NELL2: variants seen among roughly 807,000 people sequenced by gnomAD.
The protein encoded by NELL2 is neural EGFL like 2, also known as protein kinase C-binding protein NELL2.
NELL2 carries 41 observed loss-of-function variants against 109.6 expected under a neutral mutation model. The observed-to-expected ratio is 0.37, with a 90% CI of 0.29 to 0.49. The LOEUF (loss-of-function observed/expected upper bound fraction) is 0.49, where lower values mean the gene tolerates loss of function less well. NELL2 is among the 20% of genes least tolerant of loss of function. NELL2 has a pLI of 0.98. For missense variants in NELL2, 900 were observed against 1,008.3 expected, an observed-to-expected ratio of 0.89 and a Z score of 1.45; for synonymous variants, 355 against 344.7, an observed-to-expected ratio of 1.03 and a Z score of -0.33.
At chr12:44,718,947 T>C (rs1276921670) in intron 9 of NELL2, among the ~76,000 whole-genome samples, 2 of 152,152 alleles carry the variant, frequency 1.3e-5, no homozygotes, top group African/African-American at 2.4e-5. Context: ...TCTATTCAGT[T>C]ATAAGTGGAG....
chr12:44,552,777 A>G (rs1241162864), intron 15 of NELL2, among the ~76,000 whole-genome samples: 1 of 151,732 alleles, frequency 6.6e-6, no homozygotes, highest in Non-Finnish European at 1.5e-5. Flanking sequence ...TAATAATAGC[A>G]CTCTCTCTTT....
In NELL2 at chr12:44,644,604, G is replaced by GTGTATATA. The variant is rs1241074750; in HGVS notation, c.1444+20879_1444+20880insTATATACA. Among the ~76,000 whole-genome samples, 595 of 81,196 alleles carry GTGTATATA rather than the reference G, an allele frequency of 7.3e-3. 6 individuals carry two copies. The highest frequency in any genetic ancestry group is 0.028 in the East Asian group (63 of 2,250). The allele number at this position is 81,196 out of a possible 152,430, so 53.3% of individuals were successfully genotyped here. On this transcript the variant is annotated intron_variant, in intron 13 of 19. Coordinates refer to ENST00000429094, the MANE Select transcript of NELL2 (RefSeq NM_001145108.2). ...AGTATATATATATATATATATATAT[G>GTGTATATA]TATGTATATATATATATATATACAT...
chr12:44,711,470 G>C, intron 10 of NELL2, 76 bp from the exon 11 acceptor site: 1 of 1,260,752 alleles, frequency 7.9e-7, no homozygotes, highest in East Asian at 2.4e-5. Flanking sequence ...TCCAGCATCT[G>C]AGAAGACTCT....
chr12:44,603,743 C>T (rs757594438), intron 15 of NELL2, among the ~76,000 whole-genome samples: 2 of 152,098 alleles, frequency 1.3e-5, no homozygotes, highest in Admixed American at 6.6e-5. Flanking sequence ...TAAATGAATG[C>T]AACCATTCCT....
intron 19 of NELL2, among the ~76,000 whole-genome samples, chr12:44,511,655 G>C (rs973846613): frequency 3.9e-5 from 6 of 152,154 alleles, no homozygotes; most frequent in African/African-American, 1.4e-4. Context: ...AGATTCTAAA[G>C]AGCAAATCAA....
chr12:44,688,350 C>T (rs2136389941), intron 12 of NELL2, among the ~76,000 whole-genome samples: 1 of 152,010 alleles, frequency 6.6e-6, no homozygotes, highest in African/African-American at 2.4e-5. Context: ...ATTTTAGTTC[C>T]AAAAATAAAA....
intron 15 of NELL2, among the ~76,000 whole-genome samples, chr12:44,595,177 T>C (rs2136230575): frequency 6.6e-6 from 1 of 152,320 alleles, no homozygotes; most frequent in South Asian, 2.1e-4. Flanking sequence ...TTTCCTCGAA[T>C]TAAACATTTT....
At chr12:44,603,643 G>C (rs1229118098) in intron 15 of NELL2, among the ~76,000 whole-genome samples, 1 of 152,032 alleles carries the variant, frequency 6.6e-6, no homozygotes, top group African/African-American at 2.4e-5. Context: ...CTGTACATGC[G>C]GGTGATTTTA....
intron 12 of NELL2, among the ~76,000 whole-genome samples, chr12:44,691,809 C>T (rs547759177): frequency 3.5e-4 from 54 of 152,220 alleles, no homozygotes; most frequent in African/African-American, 9.6e-4. Flanking sequence ...AAGAGCAAGG[C>T]CTGAACCCTC....
intron 15 of NELL2, among the ~76,000 whole-genome samples, chr12:44,604,050 A>G (rs532333340): frequency 6.6e-6 from 1 of 152,250 alleles, no homozygotes; most frequent in East Asian, 1.9e-4. Context: ...CTTTGCAGAG[A>G]AAAACTGCCA....
intron 19 of NELL2, among the ~76,000 whole-genome samples, chr12:44,515,887 T>C (rs1014650551): frequency 6.6e-6 from 1 of 151,994 alleles, no homozygotes; most frequent in Non-Finnish European, 1.5e-5. Flanking sequence ...TATTTTTTAA[T>C]CCTATTACTA....
At chr12:44,666,384 T>G (rs1947926713) in intron 12 of NELL2, among the ~76,000 whole-genome samples, 1 of 152,224 alleles carries the variant, frequency 6.6e-6, no homozygotes. Flanking sequence ...TAAATCATTT[T>G]ACAAGTATTT....
chr12:44,552,511 C>T (rs187041294), intron 15 of NELL2, among the ~76,000 whole-genome samples: 13 of 152,216 alleles, frequency 8.5e-5, no homozygotes, highest in African/African-American at 3.1e-4. Context: ...ACTTCAATTA[C>T]AGGTCTCTTG....
chr12:44,656,814 T>C (rs536397965), intron 13 of NELL2, among the ~76,000 whole-genome samples: 1 of 152,222 alleles, frequency 6.6e-6, no homozygotes, highest in Non-Finnish European at 1.5e-5. Flanking sequence ...TGTTCTGTAC[T>C]TGTGATTTTG....
chr12:44,753,049 T>A (rs1034222307), intron 9 of NELL2, among the ~76,000 whole-genome samples: 44 of 152,100 alleles, frequency 2.9e-4, no homozygotes, highest in African/African-American at 9.9e-4. Flanking sequence ...TGCAGTTCAT[T>A]GAACACAGAA....
At chr12:44,797,876 G>A (rs1418983062) in intron 3 of NELL2, among the ~76,000 whole-genome samples, 4 of 119,042 alleles carry the variant, frequency 3.4e-5, no homozygotes, top group African/African-American at 8.8e-5. Flanking sequence ...CATCCTAGAT[G>A]GAATGATGGA....
chr12:44,786,956 T>A (rs887178298), intron 3 of NELL2, among the ~76,000 whole-genome samples: 1 of 152,076 alleles, frequency 6.6e-6, no homozygotes, highest in Non-Finnish European at 1.5e-5. Context: ...GATGGGTTGA[T>A]GGGTGCAGTA....
intron 9 of NELL2, among the ~76,000 whole-genome samples, chr12:44,736,959 A>T (rs962101556): frequency 2.0e-5 from 3 of 151,922 alleles, no homozygotes; most frequent in African/African-American, 4.8e-5. Flanking sequence ...TCACAATGTA[A>T]ATATTCTCGT....
intron 12 of NELL2, among the ~76,000 whole-genome samples, chr12:44,691,035 GA>G (rs1399488388): frequency 2.0e-5 from 3 of 152,162 alleles, no homozygotes; most frequent in Non-Finnish European, 4.4e-5. Context: ...TCATTAAGTT[GA>G]GGGGGGAAAA....
Sources: allele counts gnomAD v4.1 joint callset (sites outside exome capture counted in the v4.1 genomes callset), GRCh38; gene constraint gnomAD v4.1.1; transcripts MANE v1.5; gene names NCBI Gene and HGNC (gene_info 2026-07-23, HGNC 2026-07-21).